Variants in PINX1 observed in about 807,000 individuals in gnomAD.
PINX1 encodes the protein PIN2/TERF1-interacting telomerase inhibitor 1.
In PINX1, 34 loss-of-function variants were observed where a neutral mutation model predicts 25.4. That is an observed-to-expected ratio of 1.34 (90% confidence interval 1.02 to 1.78). The LOEUF is 1.78. Ranked by LOEUF, PINX1 falls within the 40% of genes most tolerant of loss-of-function variation. PINX1 has a pLI of 0.00. For synonymous variants in PINX1, 197 were observed against 147.7 expected (o/e 1.33, Z -2.42); for missense variants, 592 against 404.9 (o/e 1.46, Z -3.97).
intron 6 of PINX1, among the ~76,000 whole-genome samples, chr8:10,806,503 A>G (rs1320789899): frequency 1.3e-5 from 2 of 152,198 alleles, no homozygotes; most frequent in African/African-American, 4.8e-5. Context: ...TTGAGAGGAA[A>G]CAGTTTATAA....
chr8:10,778,911 CAGGG>C (rs1801496884), intron 6 of PINX1, among the ~76,000 whole-genome samples: 1 of 152,150 alleles, frequency 6.6e-6, no homozygotes, highest in Admixed American at 6.5e-5. Flanking sequence ...AAAAGCATAG[CAGGG>C]AAGTGAAAAG....
intron 6 of PINX1, among the ~76,000 whole-genome samples, chr8:10,782,543 G>A (rs751901697): frequency 2.0e-5 from 3 of 151,972 alleles, no homozygotes; most frequent in Non-Finnish European, 4.4e-5. Context: ...CAAGACCAAC[G>A]TGGCCAATAT....
At chr8:10,822,776 C>G (rs762109645) in intron 5 of PINX1, among the ~76,000 whole-genome samples, 1 of 151,960 alleles carries the variant, frequency 6.6e-6, no homozygotes, top group Non-Finnish European at 1.5e-5. Context: ...AACTGAGGCT[C>G]AAAAAACCAA....
chr8:10,836,332 C>T (rs1798406363), intron 1 of PINX1, among the ~76,000 whole-genome samples: 1 of 145,904 alleles, frequency 6.9e-6, no homozygotes, highest in South Asian at 2.1e-4. Flanking sequence ...TACCACTTTA[C>T]TTATCTTGGC....
chr8:10,787,690 T>C (rs1242846563), intron 6 of PINX1: 1 of 375,196 alleles, frequency 2.7e-6, no homozygotes, highest in East Asian at 7.5e-5. Flanking sequence ...TGGTAATCTA[T>C]GTGGTTAAAG....
intron 6 of PINX1, among the ~76,000 whole-genome samples, chr8:10,786,959 G>A (rs557032571): frequency 1.4e-4 from 21 of 152,216 alleles, no homozygotes; most frequent in African/African-American, 4.6e-4. Context: ...GTAGCCCCCC[G>A]ATCTCAGTGA....
chr8:10,816,803 G>A lies in PINX1; in HGVS notation c.471+3390C>T, dbSNP rs6991054. Among the ~76,000 whole-genome samples, 970 of 149,768 alleles carry A rather than the reference G, an allele frequency of 6.5e-3. 13 individuals are homozygous for A. The highest frequency in any genetic ancestry group is 0.023 in the African/African-American group (916 of 40,186). On this transcript the variant is annotated intron_variant, in intron 6 of 6. Coordinates refer to ENST00000314787, the MANE Select transcript of PINX1 (RefSeq NM_017884.6). ...CTTCGGCAGGACTGCTGTATTATCG[G>A]AGAAAGGCTGATTTTGGAATTGGAC...
chr8:10,802,254 A>T (rs1453166213), intron 6 of PINX1, among the ~76,000 whole-genome samples: 1 of 152,222 alleles, frequency 6.6e-6, no homozygotes, highest in Non-Finnish European at 1.5e-5. Context: ...GGGGAAGCTC[A>T]CAAGGCTGAC....
At chr8:10,839,222 G>C (rs1798496086) in intron 1 of PINX1, among the ~76,000 whole-genome samples, 1 of 152,180 alleles carries the variant, frequency 6.6e-6, no homozygotes, top group Admixed American at 6.5e-5. Flanking sequence ...GTCTCACTTA[G>C]AATTACACAT....
In PINX1 at chr8:10,787,241, T is replaced by C. The variant is rs188383534; in HGVS notation, c.472-21325A>G. ...CACACACACGTTTGTTTGTTTTTTT[T>C]CCAAGAGACAGAGTCTTGCTTTATC... On this transcript the variant is annotated intron_variant, in intron 6 of 6. Transcript: ENST00000314787. Among the ~76,000 whole-genome samples the C allele has an allele frequency of 3.6e-3, 550 of 152,232 alleles. 3 individuals are homozygous for C. Among genetic ancestry groups the C allele is most frequent in the African/African-American group, 0.012 (519 of 41,538 alleles).
chr8:10,797,339 A>C (rs1243482013), intron 6 of PINX1, among the ~76,000 whole-genome samples: 1 of 152,198 alleles, frequency 6.6e-6, no homozygotes, highest in Admixed American at 6.5e-5. Context: ...GTTGTTAGTA[A>C]GCCACTGACT....
intron 1 of PINX1, among the ~76,000 whole-genome samples, chr8:10,835,825 C>T (rs761678958): frequency 5.3e-5 from 8 of 151,848 alleles, no homozygotes; most frequent in Non-Finnish European, 1.0e-4. Context: ...AGGAGTATAA[C>T]TGAATTAAGG....
At chr8:10,786,955 C>T (rs1431403516) in intron 6 of PINX1, among the ~76,000 whole-genome samples, 1 of 152,072 alleles carries the variant, frequency 6.6e-6, no homozygotes, top group Non-Finnish European at 1.5e-5. Flanking sequence ...CCAAGTAGCC[C>T]CCCGATCTCA....
intron 6 of PINX1, among the ~76,000 whole-genome samples, chr8:10,768,203 C>G (rs941645718): frequency 6.6e-6 from 1 of 152,214 alleles, no homozygotes; most frequent in Non-Finnish European, 1.5e-5. Context: ...CAACAGAAGT[C>G]TCACTGACAG....
intron 5 of PINX1, among the ~76,000 whole-genome samples, chr8:10,824,751 C>T (rs973817060): frequency 2.0e-5 from 3 of 152,232 alleles, no homozygotes; most frequent in East Asian, 3.8e-4. Context: ...GCGTAAAAGG[C>T]TGCCACATCA....
chr8:10,791,421 G>A (rs1013173799), intron 6 of PINX1, among the ~76,000 whole-genome samples: 2 of 152,166 alleles, frequency 1.3e-5, no homozygotes, highest in African/African-American at 4.8e-5. Context: ...AGTATGAAGT[G>A]ACCAGCTTAG....
rs368813942 is a variant in PINX1, at chr8:10,834,246, AG to A, written c.129+419del. 1,101 of 158,412 alleles carry A rather than the reference AG, an allele frequency of 7.0e-3. 13 individuals carry two copies. Among genetic ancestry groups the A allele is most frequent in the African/African-American group, 0.025 (1,035 of 41,700 alleles). 9.8% of individuals were successfully genotyped at this position (158,412 alleles called of 1,614,324 possible). A position where few individuals can be genotyped will look rare whatever the true frequency, so the allele number is the denominator to read the frequency against. The stretch of plus-strand genomic sequence containing the variant: ...TGGAGGCCAAGACAGAAGTATTTCA[AG>A]GAGAGAGTAGTCAATTACATCCAGC... On this transcript the variant is annotated intron_variant, in intron 2 of 6. Transcript: ENST00000314787.
intron 6 of PINX1, chr8:10,787,792 A>G: frequency 2.2e-6 from 1 of 456,108 alleles, no homozygotes; most frequent in Non-Finnish European, 4.4e-6. Flanking sequence ...GAAATTCTGT[A>G]AGACAAGGAA....
At chr8:10,773,158 T>C (rs17152366) in intron 6 of PINX1, among the ~76,000 whole-genome samples, 29,719 of 152,172 alleles carry the variant, frequency 0.2, 4,124 homozygotes, top group African/African-American at 0.4. Context: ...TGACTGTGAA[T>C]ACAATACGGC....
Sources: allele counts gnomAD v4.1 joint callset (sites outside exome capture counted in the v4.1 genomes callset), GRCh38; gene constraint gnomAD v4.1.1; transcripts MANE v1.5; gene names NCBI Gene and HGNC (gene_info 2026-07-23, HGNC 2026-07-21).